The following DIP2A variants were observed in gnomAD, a reference collection of about 807,000 sequenced individuals.
The protein encoded by DIP2A is disco-interacting protein 2 homolog A.
DIP2A carries 85 observed loss-of-function variants against 177.4 expected under a neutral mutation model. The ratio of observed to expected loss-of-function variants is 0.48; its 90% CI spans 0.40 to 0.57. The LOEUF (loss-of-function observed/expected upper bound fraction) is 0.57, where lower values mean the gene tolerates loss of function less well. Ranked by LOEUF, DIP2A falls within the 20% of genes least tolerant of loss-of-function variation. The pLI is 0.00. For missense variants in DIP2A, 1,791 were observed against 2,100.2 expected, an observed-to-expected ratio of 0.85 and a Z score of 2.88; for synonymous variants, 886 against 881.8, an observed-to-expected ratio of 1.00 and a Z score of -0.08.
chr21:46,479,125 G>A (rs1197969326), intron 1 of DIP2A, among the ~76,000 whole-genome samples: 1 of 152,208 alleles, frequency 6.6e-6, no homozygotes, highest in Non-Finnish European at 1.5e-5. Context: ...AACCTGGGAT[G>A]CTTTCCAGGG....
At chr21:46,526,896 A>C (rs972417606) in intron 8 of DIP2A, among the ~76,000 whole-genome samples, 38 of 152,230 alleles carry the variant, frequency 2.5e-4, no homozygotes, top group African/African-American at 8.2e-4. Context: ...TGCTGAAAAC[A>C]GACATCCTTT....
In DIP2A at chr21:46,475,597, CTTG is replaced by C. The variant is rs1361277770; in HGVS notation, c.92-9157_92-9155del. Among the ~76,000 whole-genome samples, 3 of 152,214 alleles carry C rather than the reference CTTG, an allele frequency of 2.0e-5. No individual in the cohort carries two copies. In the East Asian group the frequency reaches 5.8e-4, roughly 29 times the overall value. On this transcript the variant is annotated intron_variant, in intron 1 of 37. Coordinates refer to ENST00000417564, the MANE Select transcript of DIP2A (RefSeq NM_015151.4). ...AACTTCTGAATATGGAAGACTGCTT[CTTG>C]TTTGATTTTTCTCTAATTGTGAAAT...
rs557607366 is a variant in DIP2A, at chr21:46,537,141, C to G, written c.1643-83C>G. The G allele has an allele frequency of 7.4e-6, 10 of 1,360,002 alleles. No individual in the cohort carries two copies. In the East Asian group the frequency reaches 2.3e-4, roughly 31 times the overall value. The allele number at this position is 1,360,002 out of a possible 1,614,324, so 84.2% of individuals were successfully genotyped here. On this transcript the variant is annotated intron_variant, in intron 13 of 37. Coordinates refer to ENST00000417564, the MANE Select transcript of DIP2A (RefSeq NM_015151.4). This position sits in a 1 kb window ranked among gnomAD's most constrained non-coding sequence, Gnocchi z 4.1. ...CTGAAACTTACATGTTGATGACGTA[C>G]TCACCTCAGAATTTCTCTAGAAAAT...
rs972017188 is a variant in DIP2A at position 46,568,982 on chromosome 21, T to C, written c.*1360T>C. 1.3e-5 allele frequency: 2 copies of C among 152,216 alleles called. No homozygotes were observed. The highest frequency in any genetic ancestry group is 2.4e-5 in the African/African-American group (1 of 41,454). The allele number at this position is 152,216 out of a possible 1,614,324, so 9.4% of individuals were successfully genotyped here. Reference sequence around the variant, plus strand: ...GTTCAAACTTGACTAAGCTGAGTGATCTAAAATTATACAGAACCTAAATCA... The same window carrying C: ...GTTCAAACTTGACTAAGCTGAGTGACCTAAAATTATACAGAACCTAAATCA... On this transcript the variant is annotated 3_prime_UTR_variant, in exon 38 of 38. Coordinates refer to ENST00000417564, the MANE Select transcript of DIP2A (RefSeq NM_015151.4).
chr21:46,486,741 T>C (rs2056723878), intron 2 of DIP2A, among the ~76,000 whole-genome samples: 1 of 152,214 alleles, frequency 6.6e-6, no homozygotes, highest in South Asian at 2.1e-4. Flanking sequence ...CATAGTAAAG[T>C]TGAAGAGGTG....
intron 10 of DIP2A, among the ~76,000 whole-genome samples, chr21:46,533,272 G>A (rs777301595): frequency 6.6e-6 from 1 of 152,142 alleles, no homozygotes; most frequent in African/African-American, 2.4e-5. Context: ...TGAGAAATTA[G>A]CCCATTAAAC....
chr21:46,565,990 C>T (rs1212054723), intron 36 of DIP2A, 103 bp downstream of exon 36: 2 of 1,341,244 alleles, frequency 1.5e-6, no homozygotes, highest in East Asian at 4.6e-5. Flanking sequence ...TTGCTGTGGT[C>T]TGGTATTGCT....
chr21:46,567,582 C>A lies in DIP2A; in HGVS notation c.4676C>A (p.Ala1559Asp). ...QRMHLRDGFL[A>D]DQLDPIYVAY... ...ATGCACCTGCGGGACGGCTTCCTGG[C>A]TGACCAGCTGGACCCCATCTATGTC... Residue 1559 changes from alanine (A) to aspartate (D), a missense_variant, in exon 38 of 38, where the codon GCT becomes GAT. By Grantham distance (126) the Ala-to-Asp change is moderately radical. Transcript: ENST00000417564. 6.2e-7 allele frequency: 1 copy of A among 1,610,574 alleles called. No individual in the cohort carries two copies. The highest frequency in any genetic ancestry group is 8.5e-7 in the Non-Finnish European group (1 of 1,177,840).
chr21:46,555,814 C>G (rs1022805620), intron 28 of DIP2A, 168 bp from the exon 29 acceptor site: 45 of 639,268 alleles, frequency 7.0e-5, no homozygotes, highest in Non-Finnish European at 1.2e-4. Context: ...ATGAAATACG[C>G]TTTCCTGAGC....
chr21:46,494,034 C>T (rs563354663), intron 3 of DIP2A, among the ~76,000 whole-genome samples: 2 of 152,210 alleles, frequency 1.3e-5, no homozygotes, highest in Non-Finnish European at 2.9e-5. Flanking sequence ...ATTTTGATGT[C>T]GTAATAGTCT....
the DIP2A span, among the ~76,000 whole-genome samples, chr21:46,582,265 T>C: frequency 2.6e-5 from 4 of 152,178 alleles, no homozygotes; most frequent in East Asian, 7.7e-4. Context: ...AAATTCCTCC[T>C]GGTTCAAACT....
the DIP2A span, among the ~76,000 whole-genome samples, chr21:46,577,488 A>G: frequency 3.9e-5 from 6 of 152,090 alleles, no homozygotes; most frequent in African/African-American, 9.7e-5. Context: ...CCACCGGTCT[A>G]TGTGTCTGTT....
chr21:46,483,265 G>C (rs1305895272), intron 1 of DIP2A, among the ~76,000 whole-genome samples: 3 of 150,854 alleles, frequency 2.0e-5, no homozygotes, highest in Non-Finnish European at 4.4e-5. Context: ...TATTCTAAAA[G>C]ACACTATAAA....
intron 11 of DIP2A, 62 bp downstream of exon 11, chr21:46,533,709 T>C: frequency 6.2e-7 from 1 of 1,600,494 alleles, no homozygotes; most frequent in South Asian, 1.1e-5. Context: ...AAATGCATGG[T>C]GTTCCAGAAA....
chr21:46,534,781 C>A, intron 13 of DIP2A, 94 bp downstream of exon 13: 2 of 1,112,958 alleles, frequency 1.8e-6, no homozygotes, highest in Admixed American at 2.1e-5. Context: ...CCTGTCAAAA[C>A]CACCCCTGGG....
At chr21:46,478,878 C>T (rs2056131082) in intron 1 of DIP2A, among the ~76,000 whole-genome samples, 1 of 152,074 alleles carries the variant, frequency 6.6e-6, no homozygotes, top group East Asian at 1.9e-4. Context: ...TTTCTTGCTG[C>T]CATATGTGCC....
intron 21 of DIP2A, among the ~76,000 whole-genome samples, chr21:46,548,400 A>G (rs2060146142): frequency 6.6e-6 from 1 of 152,188 alleles, no homozygotes; most frequent in Non-Finnish European, 1.5e-5. Flanking sequence ...CTGCGTCTGC[A>G]GGCAGGATAG....
chr21:46,526,418 A>T (rs1286694867), intron 8 of DIP2A, among the ~76,000 whole-genome samples: 1 of 145,794 alleles, frequency 6.9e-6, no homozygotes, highest in Non-Finnish European at 1.5e-5. Context: ...TTTTTGAGAC[A>T]GAGTTTCGCT....
chr21:46,549,592 A>G (rs746345847), intron 21 of DIP2A, among the ~76,000 whole-genome samples, 179 bp from the exon 22 acceptor site: 11 of 152,196 alleles, frequency 7.2e-5, no homozygotes, highest in Admixed American at 1.3e-4. Flanking sequence ...ACACATTTCA[A>G]CCATCCTCGA....
Sources: allele counts gnomAD v4.1 joint callset (sites outside exome capture counted in the v4.1 genomes callset), GRCh38; gene constraint gnomAD v4.1.1; non-coding constraint Gnocchi (gnomAD v3.1); transcripts MANE v1.5; gene names NCBI Gene and HGNC (gene_info 2026-07-23, HGNC 2026-07-21).